PHF21A: variants seen among roughly 807,000 people sequenced by gnomAD.
The protein encoded by PHF21A is BHC80a.
In PHF21A, 11 loss-of-function variants were observed where a neutral mutation model predicts 82.5. The ratio of observed to expected loss-of-function variants is 0.13; its 90% CI spans 0.08 to 0.22. PHF21A has a LOEUF of 0.22. PHF21A is among the 10% of genes least tolerant of loss of function. PHF21A has a pLI of 1.00. For missense variants in PHF21A, 579 were observed against 837.8 expected (o/e 0.69, Z 3.81); for synonymous variants, 297 against 302.8 (o/e 0.98, Z 0.20).
chr11:45,979,661 G>T (rs2094195130), intron 7 of PHF21A, 99 bp downstream of exon 7: 2 of 1,548,346 alleles, frequency 1.3e-6, no homozygotes, highest in African/African-American at 1.4e-5. Context: ...TTTAGTTCTA[G>T]CTGAGCTTAG....
intron 1 of PHF21A, among the ~76,000 whole-genome samples, chr11:46,114,970 T>C (rs1368146000): frequency 6.6e-6 from 1 of 152,208 alleles, no homozygotes; most frequent in Non-Finnish European, 1.5e-5. Flanking sequence ...ATCAACCTGT[T>C]AGGCCTCATC....
intron 6 of PHF21A, among the ~76,000 whole-genome samples, chr11:46,037,282 C>T (rs1328608850): frequency 6.6e-6 from 1 of 152,190 alleles, no homozygotes; most frequent in Non-Finnish European, 1.5e-5. Flanking sequence ...TCTAGTGTCA[C>T]AATCCTGTAC....
chr11:46,007,308 T>C (rs2095316939), intron 6 of PHF21A, among the ~76,000 whole-genome samples: 1 of 151,968 alleles, frequency 6.6e-6, no homozygotes, highest in Non-Finnish European at 1.5e-5. Context: ...TCTACCTTTT[T>C]TCTTCTTCTT....
chr11:46,105,871 A>C (rs1490256291), intron 1 of PHF21A, among the ~76,000 whole-genome samples: 1 of 152,262 alleles, frequency 6.6e-6, no homozygotes, highest in Non-Finnish European at 1.5e-5. Flanking sequence ...GTGTATTTAA[A>C]ACAAAAAACA....
Position 46,089,212 on chromosome 11 carries a change from G to T in PHF21A, c.-84+1243C>A, listed in dbSNP as rs780474268. ...AAAGTAGGTCTTGACAGTCATCTAC[G>T]TATCTTTACTTCTTGTACCATGCTT... On this transcript the variant is annotated intron_variant, in intron 3 of 18. Coordinates refer to ENST00000676320, the MANE Select transcript of PHF21A (RefSeq NM_001352027.3). Among the ~76,000 whole-genome samples the T allele has an allele frequency of 2.0e-5, 3 of 152,084 alleles. No individual in the cohort carries two copies. In the East Asian group the frequency reaches 5.8e-4, roughly 29 times the overall value.
At chr11:46,042,797 T>C (rs913795225) in intron 6 of PHF21A, among the ~76,000 whole-genome samples, 6 of 151,998 alleles carry the variant, frequency 3.9e-5, no homozygotes, top group Non-Finnish European at 8.8e-5. Flanking sequence ...ACCTTCTTGC[T>C]ATGTCCTCAC....
intron 6 of PHF21A, among the ~76,000 whole-genome samples, chr11:46,051,688 T>C (rs115380303): frequency 5.9e-4 from 90 of 152,268 alleles, no homozygotes; most frequent in African/African-American, 2.1e-3. Flanking sequence ...AGAATGGTCA[T>C]CATGCCTCAA....
chr11:46,078,570 T>C (rs1420776598), intron 5 of PHF21A, among the ~76,000 whole-genome samples: 4 of 152,268 alleles, frequency 2.6e-5, no homozygotes, highest in Admixed American at 2.6e-4. Context: ...TAAAGAAAAG[T>C]TAACATTCTC....
intron 6 of PHF21A, among the ~76,000 whole-genome samples, chr11:46,003,155 T>G (rs1210577165): frequency 6.6e-6 from 1 of 152,132 alleles, no homozygotes; most frequent in Non-Finnish European, 1.5e-5. Flanking sequence ...CAATAGAATC[T>G]TTTTAAAGCT....
intron 6 of PHF21A, among the ~76,000 whole-genome samples, chr11:46,004,166 T>A (rs1305609292): frequency 6.6e-6 from 1 of 152,212 alleles, no homozygotes; most frequent in Admixed American, 6.5e-5. Flanking sequence ...TAAAAATGTT[T>A]AAATTTATTT....
chr11:45,985,659 A>C (rs1011048372), intron 6 of PHF21A, among the ~76,000 whole-genome samples: 19 of 152,214 alleles, frequency 1.2e-4, no homozygotes, highest in Middle Eastern at 6.3e-3. Flanking sequence ...GATACTAGAA[A>C]GTTTTCCCCA....
chr11:46,014,593 C>T (rs904530651), intron 6 of PHF21A, among the ~76,000 whole-genome samples: 9 of 152,092 alleles, frequency 5.9e-5, no homozygotes, highest in Non-Finnish European at 1.2e-4. Context: ...TCCAAATGGC[C>T]GAGGCTGAAC....
rs560503625 is a variant in PHF21A, at chr11:46,022,609, A to G, written c.154-42643T>C. Among the ~76,000 whole-genome samples, 54 of 152,264 alleles carry G rather than the reference A, an allele frequency of 3.5e-4. 1 individual carries two copies. Among genetic ancestry groups the G allele is most frequent in the Admixed American group, 3.3e-3 (50 of 15,306 alleles). ...CCCAAGCAGCTGGGACTACAGGCAC[A>G]TGCCACCATGCCAGTGTAGTTTAAT... On this transcript the variant is annotated intron_variant, in intron 6 of 18. Transcript: ENST00000676320.
At chr11:46,092,332 A>G (rs913862770) in intron 1 of PHF21A, 109 bp from the exon 2 acceptor site, 5 of 152,208 alleles carry the variant, frequency 3.3e-5, no homozygotes, top group African/African-American at 9.7e-5. Flanking sequence ...AAAAAACAAA[A>G]CACACACAAG....
intron 4 of PHF21A, among the ~76,000 whole-genome samples, chr11:46,080,356 G>A (rs1592936732): frequency 6.6e-6 from 1 of 151,708 alleles, no homozygotes; most frequent in East Asian, 1.9e-4. Flanking sequence ...ACAGGGTCTT[G>A]TTATGTTGCC....
intron 6 of PHF21A, among the ~76,000 whole-genome samples, chr11:45,992,620 T>C (rs1326883102): frequency 6.6e-6 from 1 of 152,196 alleles, no homozygotes; most frequent in African/African-American, 2.4e-5. Context: ...CAAATGGCCT[T>C]CTGACTAATC....
intron 9 of PHF21A, among the ~76,000 whole-genome samples, chr11:45,967,625 G>C (rs2135986691): frequency 6.6e-6 from 1 of 152,342 alleles, no homozygotes; most frequent in Admixed American, 6.5e-5. Flanking sequence ...TTGGACAGCT[G>C]TAGGGACTGC....
chr11:46,115,381 T>A (rs2097275919), intron 1 of PHF21A, among the ~76,000 whole-genome samples: 1 of 152,162 alleles, frequency 6.6e-6, no homozygotes, highest in Non-Finnish European at 1.5e-5. Flanking sequence ...ATTCAAAAAT[T>A]TAACACACAT....
In PHF21A at chr11:45,932,556, G is replaced by A. The variant is rs1276266668; in HGVS notation, c.*1412C>T. ...CTGTGCTAAAAAATTATAACTACACGGCATTTTCTCCAGTTCTGACACCTT... is the reference window on the plus strand; with the variant it reads ...CTGTGCTAAAAAATTATAACTACACAGCATTTTCTCCAGTTCTGACACCTT... On this transcript the variant is annotated 3_prime_UTR_variant, in exon 19 of 19. Transcript: ENST00000676320. The surrounding 1 kb of genome is among the most constrained non-coding windows in gnomAD (Gnocchi z 4.3). 2 of 152,412 alleles carry A rather than the reference G, an allele frequency of 1.3e-5. No individual in the cohort carries two copies. The highest frequency in any genetic ancestry group is 2.9e-5 in the Non-Finnish European group (2 of 68,018). The allele number at this position is 152,412 out of a possible 1,614,324, so 9.4% of individuals were successfully genotyped here.
Sources: gnomAD v4.1 joint callset for allele counts (sites outside exome capture counted in the v4.1 genomes callset) on GRCh38, gnomAD v4.1.1 for gene constraint, Gnocchi (gnomAD v3.1) non-coding constraint, MANE v1.5 for transcripts, NCBI Gene and HGNC (gene_info 2026-07-23, HGNC 2026-07-21) for gene names.